PAX1: variants seen among roughly 807,000 people sequenced by gnomAD.
PAX1 encodes the protein paired box 1.
A neutral mutation model predicts 35.6 loss-of-function variants in PAX1; 18 were observed. That is an observed-to-expected ratio of 0.50 (90% CI 0.35 to 0.75). PAX1 has a LOEUF of 0.75. Among genes scored for constraint, PAX1 ranks in the 30% least tolerant of loss-of-function variants. PAX1 has a pLI of 0.01. For missense variants in PAX1, 760 were observed against 661.5 expected, an observed-to-expected ratio of 1.15 and a Z score of -1.63; for synonymous variants, 397 against 305.2, an observed-to-expected ratio of 1.30 and a Z score of -3.14.
chr20:21,706,601 C>A lies in PAX1; in HGVS notation c.450C>A (p.Ile150=). 1 of 1,612,220 alleles carries A rather than the reference C, an allele frequency of 6.2e-7. No individual in the cohort carries two copies. The highest frequency in any genetic ancestry group is 8.5e-7 in the Non-Finnish European group (1 of 1,180,028). Residue 150 remains isoleucine, a synonymous_variant, in exon 2 of 5, where the codon ATC becomes ATA. Coordinates refer to ENST00000613128, the MANE Select transcript of PAX1 (RefSeq NM_001257096.2). The surrounding 1 kb of genome is among the most constrained non-coding windows in gnomAD (Gnocchi z 5.3). ...LRVSHGCVSK[I]LARYNETGSI... ...TATCCCACGGCTGCGTGAGCAAGAT[C>A]CTGGCGCGCTACAACGAGACCGGCT...
At position 21,705,680 on chromosome 20, in the gene PAX1, A is replaced by T; in HGVS notation, c.-33A>T. ...CGTCAAATTGATTCCCGCACGCTGC[A>T]GCCTCCCGGTCAGACGAATTTCTCC... On this transcript the variant is annotated 5_prime_UTR_variant, in exon 1 of 5. Transcript: ENST00000613128. 8.1e-7 allele frequency: 1 copy of T among 1,232,138 alleles called. No homozygotes were observed. The allele number at this position is 1,232,138 out of a possible 1,614,324, so 76.3% of individuals were successfully genotyped here. A position where few individuals can be genotyped will look rare whatever the true frequency, so the allele number is the denominator to read the frequency against.
intron 4 of PAX1, among the ~76,000 whole-genome samples, chr20:21,711,765 C>T (rs1364162882): frequency 6.6e-6 from 1 of 152,174 alleles, no homozygotes; most frequent in Non-Finnish European, 1.5e-5. Context: ...GAATTACATA[C>T]ATGCTTGGGT....
At chr20:21,712,980 C>T (rs17861049) in intron 4 of PAX1, among the ~76,000 whole-genome samples, 3 of 152,222 alleles carry the variant, frequency 2.0e-5, no homozygotes, top group Non-Finnish European at 2.9e-5. Flanking sequence ...CCAGAAGTAC[C>T]CACCCTTGTT....
In PAX1 at chr20:21,715,508, C is replaced by G. The variant is rs1051688707; in HGVS notation, c.*946C>G. ...TCTCTTCCCTTCTGAGATGATGTCA[C>G]CCCAAAGAAGACTGGGGTAGGAGTA... On this transcript the variant is annotated 3_prime_UTR_variant, in exon 5 of 5. Coordinates refer to ENST00000613128, the MANE Select transcript of PAX1 (RefSeq NM_001257096.2). 1 of 152,446 alleles carries G rather than the reference C, an allele frequency of 6.6e-6. No individual in the cohort carries two copies. The highest frequency in any genetic ancestry group is 2.1e-4 in the South Asian group (1 of 4,828). 9.4% of individuals were successfully genotyped at this position (152,446 alleles called of 1,614,324 possible).
At position 21,709,451 on chromosome 20, in the gene PAX1, A is replaced by G. The variant is rs1985130473; in HGVS notation, c.1282+7A>G. On this transcript the variant is annotated splice_region_variant and intron_variant, in intron 4 of 4. Transcript: ENST00000613128. ...AAGCATCCCAGCCGAGAAGGTGAGG[A>G]GCGCAGGGAGTGGGGCGGGTGGATG... 1 of 1,514,828 alleles carries G rather than the reference A, an allele frequency of 6.6e-7. No homozygotes were observed. Among genetic ancestry groups the G allele is most frequent in the African/African-American group, 1.4e-5 (1 of 72,288 alleles). 93.8% of individuals were successfully genotyped at this position (1,514,828 alleles called of 1,614,324 possible). A position where few individuals can be genotyped will look rare whatever the true frequency, so the allele number is the denominator to read the frequency against.
In PAX1 at chr20:21,716,382, G is replaced by A. The variant is rs896018259; in HGVS notation, c.*1820G>A. The A allele has an allele frequency of 6.6e-6, 1 of 151,914 alleles. No homozygotes were observed. Among genetic ancestry groups the A allele is most frequent in the Admixed American group, 6.6e-5 (1 of 15,258 alleles). 9.4% of individuals were successfully genotyped at this position (151,914 alleles called of 1,614,324 possible). On this transcript the variant is annotated 3_prime_UTR_variant, in exon 5 of 5. Transcript: ENST00000613128. Reference sequence around the variant, plus strand: ...GGTGTGTGCACTGGTCCCACCTAGGGGACTAGTGGTAAACAGTTTTTGTTT... The same window carrying A: ...GGTGTGTGCACTGGTCCCACCTAGGAGACTAGTGGTAAACAGTTTTTGTTT...
intron 4 of PAX1, among the ~76,000 whole-genome samples, chr20:21,710,510 T>C (rs1264663250): frequency 6.6e-6 from 1 of 152,198 alleles, no homozygotes; most frequent in African/African-American, 2.4e-5. Flanking sequence ...TCCCAGATTA[T>C]AAAAGGATTT....
In PAX1 at chr20:21,705,670, C is replaced by A; in HGVS notation, c.-43C>A. The A allele has an allele frequency of 8.2e-7, 1 of 1,223,022 alleles. No homozygotes were observed. The allele number at this position is 1,223,022 out of a possible 1,614,324, so 75.8% of individuals were successfully genotyped here. On this transcript the variant is annotated 5_prime_UTR_variant, in exon 1 of 5. Transcript: ENST00000613128. ...GTGGAGGACACGTCAAATTGATTCC[C>A]GCACGCTGCAGCCTCCCGGTCAGAC...
rs1210638158 is a variant in PAX1, at chr20:21,706,800, A to G, written c.649A>G (p.Ile217Val). Reference sequence around the variant, plus strand: ...GTACAATGTGCCTTCGGTGAGCTCCATCAGCCGCATCCTGCGCAACAAGAT... The same window carrying G: ...GTACAATGTGCCTTCGGTGAGCTCCGTCAGCCGCATCCTGCGCAACAAGAT... ...DKYNVPSVSS[I>V]SRILRNKIGS... is the part of the protein sequence containing the mutation. The change falls in exon 2 of 5, where the codon ATC (isoleucine) becomes GTC (valine). Residue 217 changes from isoleucine (I) to valine (V), a missense_variant. By Grantham distance (29) the Ile-to-Val change is conservative. Transcript: ENST00000613128. This position sits in a 1 kb window ranked among gnomAD's most constrained non-coding sequence, Gnocchi z 5.3. 1.2e-6 allele frequency: 2 copies of G among 1,613,556 alleles called. No individual in the cohort carries two copies. The highest frequency in any genetic ancestry group is 8.5e-7 in the Non-Finnish European group (1 of 1,180,038).
intron 2 of PAX1, among the ~76,000 whole-genome samples, chr20:21,708,022 G>C (rs183972988): frequency 6.6e-6 from 1 of 152,330 alleles, no homozygotes; most frequent in Non-Finnish European, 1.5e-5. Context: ...CAGATCTGGA[G>C]GTTTCCCTTG....
chr20:21,707,507 G>A (rs754694493), intron 2 of PAX1, among the ~76,000 whole-genome samples: 17 of 152,162 alleles, frequency 1.1e-4, no homozygotes, highest in Non-Finnish European at 2.2e-4. Context: ...GGGATCTTGT[G>A]GTCGATTGAG....
chr20:21,707,882 G>C (rs1985068361), intron 2 of PAX1, among the ~76,000 whole-genome samples: 1 of 152,124 alleles, frequency 6.6e-6, no homozygotes, highest in Non-Finnish European at 1.5e-5. Flanking sequence ...TGAGTGCTCA[G>C]CTCCAGCAGC....
rs531743131 is a variant in PAX1, at chr20:21,706,293, C to T, written c.287-145C>T. ...TCCAAGCCAGACCCAGGCGGTTTGC[C>T]CTTGGACTCCGAGCTGTCTGGGGAC... On this transcript the variant is annotated intron_variant, in intron 1 of 4. Coordinates refer to ENST00000613128, the MANE Select transcript of PAX1 (RefSeq NM_001257096.2). The surrounding 1 kb of genome is among the most constrained non-coding windows in gnomAD (Gnocchi z 5.3). The T allele has an allele frequency of 1.8e-6, 2 of 1,139,064 alleles. No homozygotes were observed. Among genetic ancestry groups the T allele is most frequent in the Admixed American group, 1.8e-5 (1 of 54,810 alleles). The allele number at this position is 1,139,064 out of a possible 1,614,324, so 70.6% of individuals were successfully genotyped here. A position where few individuals can be genotyped will look rare whatever the true frequency, so the allele number is the denominator to read the frequency against.
rs1370897881 is a variant in PAX1, at chr20:21,706,960, AC to A, written c.813del (p.Val273SerfsTer54). On this transcript the variant is annotated frameshift_variant, in exon 2 of 5. Coordinates refer to ENST00000613128, the MANE Select transcript of PAX1 (RefSeq NM_001257096.2). LOFTEE classifies it high-confidence loss of function. This position sits in a 1 kb window ranked among gnomAD's most constrained non-coding sequence, Gnocchi z 5.3. Reference protein sequence around the residue: ...VSPTGAKMGSHPGVPGTAGHV... With the variant: ...VSPTGAKMGSXPGVPGTAGHV... Reference sequence around the variant, plus strand: ...CCCACGGGCGCCAAGATGGGCAGCCACCCCGGGGTCCCGGGCACGGCGGGCC... The same window carrying A: ...CCCACGGGCGCCAAGATGGGCAGCCACCCGGGGTCCCGGGCACGGCGGGCC... The A allele has an allele frequency of 1.2e-6, 2 of 1,612,352 alleles. No individual in the cohort carries two copies. Among genetic ancestry groups the A allele is most frequent in the Non-Finnish European group, 1.7e-6 (2 of 1,179,536 alleles).
intron 4 of PAX1, among the ~76,000 whole-genome samples, chr20:21,714,031 A>G (rs1321811221): frequency 6.6e-6 from 1 of 152,210 alleles, no homozygotes; most frequent in African/African-American, 2.4e-5. Context: ...TGCTCTTCGC[A>G]CTTGTGCGGG....
intron 4 of PAX1, among the ~76,000 whole-genome samples, chr20:21,713,378 T>TGTGTGTGTGTGTGTGTGTGTGTGTG (rs770998874): frequency 2.2e-5 from 3 of 137,956 alleles, no homozygotes; most frequent in Admixed American, 7.2e-5. Flanking sequence ...GTTTTCTTTT[T>TGTGTGTGTGTGTGTGTGTGTGTGTG]TTTTTGTGTG....
chr20:21,709,185 A>AT, intron 3 of PAX1, 37 bp from the exon 4 acceptor site: 1 of 1,515,590 alleles, frequency 6.6e-7, no homozygotes, highest in South Asian at 1.1e-5. Flanking sequence ...AGAAGGCAGG[A>AT]TTTTCTGCTG....
In PAX1 at chr20:21,714,922, T is replaced by TC. The variant is rs1568698822; in HGVS notation, c.*366dup. On this transcript the variant is annotated 3_prime_UTR_variant, in exon 5 of 5. Transcript: ENST00000613128. ...CGTCTCGCCTCTCTCCCTGTTTCCT[T>TC]CCCCCCTCTTTCTTTCTCACTCTCC... 13 of 816,390 alleles carry TC rather than the reference T, an allele frequency of 1.6e-5. No homozygotes were observed. The highest frequency in any genetic ancestry group is 4.3e-5 in the South Asian group (3 of 69,000). 50.6% of individuals were successfully genotyped at this position (816,390 alleles called of 1,614,324 possible). A position where few individuals can be genotyped will look rare whatever the true frequency, so the allele number is the denominator to read the frequency against.
intron 4 of PAX1, among the ~76,000 whole-genome samples, chr20:21,711,398 G>A (rs551066479): frequency 6.6e-6 from 1 of 152,334 alleles, no homozygotes; most frequent in South Asian, 2.1e-4. Context: ...TTGCGGGGAA[G>A]CTGATTTTAA....
Sources: allele counts gnomAD v4.1 joint callset (sites outside exome capture counted in the v4.1 genomes callset), GRCh38; gene constraint gnomAD v4.1.1; non-coding constraint Gnocchi (gnomAD v3.1); transcripts MANE v1.5; gene names NCBI Gene and HGNC (gene_info 2026-07-23, HGNC 2026-07-21).